Variants in MAGI2 observed in about 807,000 individuals in gnomAD.
MAGI2 encodes membrane-associated guanylate kinase, WW and PDZ domain-containing protein 2.
Under a neutral mutation model 133.3 loss-of-function variants are expected in MAGI2, and 35 were observed. That is an observed-to-expected ratio of 0.26 (90% confidence interval 0.20 to 0.35). The LOEUF (loss-of-function observed/expected upper bound fraction) is 0.35, where lower values mean the gene tolerates loss of function less well. Ranked by LOEUF, MAGI2 falls within the 10% of genes least tolerant of loss-of-function variation. The probability of loss-of-function intolerance (pLI) is 1.00; values close to 1 mark genes in which losing one functional copy is unlikely to be tolerated. For missense variants in MAGI2, 1,636 were observed against 1,863.4 expected (o/e 0.88, Z 2.25); for synonymous variants, 729 against 710.6 (o/e 1.03, Z -0.41).
In MAGI2 at chr7:78,846,510, C is replaced by A. The variant is rs114215255; in HGVS notation, c.418+160580G>T. Among the ~76,000 whole-genome samples the A allele has an allele frequency of 9.7e-4, 147 of 151,966 alleles. 1 individual carries two copies. The highest frequency in any genetic ancestry group is 3.5e-3 in the African/African-American group (147 of 41,482). On this transcript the variant is annotated intron_variant, in intron 2 of 21. Transcript: ENST00000354212. ...TAATTGAAATAGATAATGTTTATTG[C>A]TGTAGGAATAGTTTATCTTGTGAAG...
chr7:78,983,738 T>G (rs912928536), intron 2 of MAGI2, among the ~76,000 whole-genome samples: 8 of 152,014 alleles, frequency 5.3e-5, no homozygotes, highest in Non-Finnish European at 1.0e-4. Context: ...TTGAAACATT[T>G]TATTTAATTA....
rs552144489 is a variant in MAGI2, at chr7:78,205,237, T to C, written c.2048-4044A>G. Among the ~76,000 whole-genome samples, 517 of 152,316 alleles carry C rather than the reference T, an allele frequency of 3.4e-3. 3 individuals are homozygous for C. Among genetic ancestry groups the C allele is most frequent in the Non-Finnish European group, 5.8e-3 (397 of 68,030 alleles). On this transcript the variant is annotated intron_variant, in intron 10 of 21. Coordinates refer to ENST00000354212, the MANE Select transcript of MAGI2 (RefSeq NM_012301.4). ...ACCTCTACCTCCCAGGCTAAAGCGA[T>C]CCTCCCTCCTCAGCCTCCTGAGTAG... is the stretch of plus-strand genomic sequence containing the variant.
intron 1 of MAGI2, among the ~76,000 whole-genome samples, chr7:79,264,859 CAGAGAG>C (rs150944484): frequency 4.8e-5 from 7 of 145,958 alleles, no homozygotes; most frequent in Middle Eastern, 3.6e-3. Flanking sequence ...GAGAGAGACA[CAGAGAG>C]AGAGAGAGAG....
intron 1 of MAGI2, among the ~76,000 whole-genome samples, chr7:79,150,870 T>A (rs1328434311): frequency 6.6e-6 from 1 of 152,148 alleles, no homozygotes; most frequent in East Asian, 1.9e-4. Context: ...AAGTAGTGGG[T>A]TCTTCTTTTA....
chr7:79,437,283 A>G (rs966124347), intron 1 of MAGI2, among the ~76,000 whole-genome samples: 1 of 151,768 alleles, frequency 6.6e-6, no homozygotes, highest in African/African-American at 2.4e-5. Context: ...AGTACCTCAA[A>G]CCTCAGCAAC....
At chr7:79,156,650 C>G (rs530955553) in intron 1 of MAGI2, among the ~76,000 whole-genome samples, 8 of 152,044 alleles carry the variant, frequency 5.3e-5, no homozygotes, top group Non-Finnish European at 1.2e-4. Context: ...ATGTATCTCT[C>G]AAACATATTT....
At chr7:78,073,617 G>T (rs1814953512) in intron 21 of MAGI2, among the ~76,000 whole-genome samples, 1 of 152,210 alleles carries the variant, frequency 6.6e-6, no homozygotes, top group African/African-American at 2.4e-5. Context: ...AACTGCTTAT[G>T]TTGGGAATTT....
rs377408154 is a variant in MAGI2 at position 78,424,546 on chromosome 7, A to G, written c.1046-55333T>C. Among the ~76,000 whole-genome samples, 69 of 152,218 alleles carry G rather than the reference A, an allele frequency of 4.5e-4. 2 individuals carry two copies. Among genetic ancestry groups the G allele is most frequent in the African/African-American group, 1.3e-3 (52 of 41,542 alleles). ...AGACCCCAGAATGGTAGATTCATGA[A>G]AACTTGCACCGTGTGCCTGGAAAAG... On this transcript the variant is annotated intron_variant, in intron 6 of 21. Transcript: ENST00000354212.
chr7:79,127,738 A>T (rs1443929465), intron 1 of MAGI2, among the ~76,000 whole-genome samples: 1 of 152,100 alleles, frequency 6.6e-6, no homozygotes. Flanking sequence ...ATTTTCTCCC[A>T]TTCTGTAGGT....
At chr7:78,716,143 G>GATTTACTGA (rs1284043762) in intron 2 of MAGI2, among the ~76,000 whole-genome samples, 1 of 152,170 alleles carries the variant, frequency 6.6e-6, no homozygotes, top group Non-Finnish European at 1.5e-5. Context: ...AACGCATAAA[G>GATTTACTGA]ATTTACTGAA....
At chr7:79,242,399 T>C (rs1278684628) in intron 1 of MAGI2, among the ~76,000 whole-genome samples, 1 of 152,192 alleles carries the variant, frequency 6.6e-6, no homozygotes, top group Non-Finnish European at 1.5e-5. Flanking sequence ...GATCAACATA[T>C]TCTTCTCTTT....
At chr7:78,057,075 T>C (rs962021431) in intron 21 of MAGI2, among the ~76,000 whole-genome samples, 1 of 148,820 alleles carries the variant, frequency 6.7e-6, no homozygotes, top group African/African-American at 2.4e-5. Flanking sequence ...TATATATATA[T>C]ATAAAATCTC....
chr7:78,547,230 T>C (rs1300437045), intron 3 of MAGI2, among the ~76,000 whole-genome samples: 1 of 152,168 alleles, frequency 6.6e-6, no homozygotes, highest in Non-Finnish European at 1.5e-5. Context: ...GAACTATACA[T>C]ACATTTAGGA....
chr7:79,063,041 T>C (rs1442880223), intron 1 of MAGI2, among the ~76,000 whole-genome samples: 1 of 152,106 alleles, frequency 6.6e-6, no homozygotes, highest in Non-Finnish European at 1.5e-5. Flanking sequence ...TGCTGGATGA[T>C]TCTACAAACC....
intron 2 of MAGI2, among the ~76,000 whole-genome samples, chr7:78,963,974 T>C (rs111936997): frequency 6.3e-4 from 95 of 151,946 alleles, no homozygotes; most frequent in African/African-American, 2.2e-3. Flanking sequence ...AGATTATGAG[T>C]CTGTTTGGGA....
At chr7:79,029,291 A>G (rs1810330464) in intron 1 of MAGI2, among the ~76,000 whole-genome samples, 1 of 152,208 alleles carries the variant, frequency 6.6e-6, no homozygotes, top group South Asian at 2.1e-4. Context: ...CTGTATTAAT[A>G]AAATCTACAA....
chr7:79,113,684 T>C (rs1173173760), intron 1 of MAGI2, among the ~76,000 whole-genome samples: 1 of 152,220 alleles, frequency 6.6e-6, no homozygotes, highest in Non-Finnish European at 1.5e-5. Flanking sequence ...ACTGTGTTCT[T>C]GAGCAACTAG....
intron 1 of MAGI2, chr7:79,177,220 T>C (rs1165329255): frequency 6.6e-6 from 1 of 152,062 alleles, no homozygotes; most frequent in Non-Finnish European, 1.5e-5. Context: ...ATTTCTTTTG[T>C]ACTATATCGT....
intron 2 of MAGI2, among the ~76,000 whole-genome samples, chr7:78,755,150 G>A (rs751782489): frequency 6.6e-6 from 1 of 152,132 alleles, no homozygotes; most frequent in African/African-American, 2.4e-5. Flanking sequence ...ATGCTTTTCT[G>A]AAAGGGTAAG....
Sources: gnomAD v4.1 joint callset for allele counts (sites outside exome capture counted in the v4.1 genomes callset) on GRCh38, gnomAD v4.1.1 for gene constraint, MANE v1.5 for transcripts, NCBI Gene and HGNC (gene_info 2026-07-23, HGNC 2026-07-21) for gene names.